The following TMEM131 variants were observed in gnomAD, a reference collection of about 807,000 sequenced individuals.
The protein encoded by TMEM131 is 2610524E03Rik.
In TMEM131, 66 loss-of-function variants were observed where a neutral mutation model predicts 211.6. That is an observed-to-expected ratio of 0.31 (90% CI 0.26 to 0.38). TMEM131 has a LOEUF of 0.38. TMEM131 is among the 10% of genes least tolerant of loss of function. The probability of loss-of-function intolerance (pLI) is 1.00; values close to 1 mark genes in which losing one functional copy is unlikely to be tolerated. For synonymous variants in TMEM131, 844 were observed against 841.3 expected, an observed-to-expected ratio of 1.00 and a Z score of -0.06; for missense variants, 2,036 against 2,299.3, an observed-to-expected ratio of 0.89 and a Z score of 2.34.
At chr2:97,833,599 T>A (rs1682809600) in intron 10 of TMEM131, among the ~76,000 whole-genome samples, 173 bp from the exon 11 acceptor site, 1 of 151,954 alleles carries the variant, frequency 6.6e-6, no homozygotes, top group African/African-American at 2.4e-5. Context: ...GGACATTGTG[T>A]ATTATAAGAA....
chr2:97,841,246 C>A (rs1683177157), intron 7 of TMEM131, among the ~76,000 whole-genome samples: 1 of 152,170 alleles, frequency 6.6e-6, no homozygotes, highest in South Asian at 2.1e-4. Flanking sequence ...CTAGCCACTT[C>A]CACTGTGAAA....
chr2:97,893,241 A>G (rs1356959156), intron 3 of TMEM131, among the ~76,000 whole-genome samples: 4 of 152,210 alleles, frequency 2.6e-5, no homozygotes, highest in Admixed American at 6.5e-5. Context: ...TAATGGCTGC[A>G]TAGTATTCCA....
At chr2:97,840,501 G>A (rs904258388) in intron 7 of TMEM131, among the ~76,000 whole-genome samples, 1 of 152,208 alleles carries the variant, frequency 6.6e-6, no homozygotes, top group Non-Finnish European at 1.5e-5. Context: ...AAGGCAGGAG[G>A]ATTGCTTGAG....
At chr2:97,790,704 C>T (rs1188115565) in intron 31 of TMEM131, among the ~76,000 whole-genome samples, 1 of 152,112 alleles carries the variant, frequency 6.6e-6, no homozygotes, top group African/African-American at 2.4e-5. Flanking sequence ...GGGGAAAACG[C>T]TATGTAACTT....
At chr2:97,916,753 C>T (rs1167234035) in intron 2 of TMEM131, among the ~76,000 whole-genome samples, 3 of 152,096 alleles carry the variant, frequency 2.0e-5, no homozygotes, top group Non-Finnish European at 2.9e-5. Context: ...GAGTCAAATG[C>T]TTGGTTTTCA....
intron 28 of TMEM131, among the ~76,000 whole-genome samples, chr2:97,795,463 T>A (rs1206466192): frequency 6.6e-6 from 1 of 152,296 alleles, no homozygotes; most frequent in South Asian, 2.1e-4. Flanking sequence ...ATGTCTTTTT[T>A]AAAAAAACAA....
Position 97,980,591 on chromosome 2 carries a change from T to C in TMEM131, c.187+14885A>G, listed in dbSNP as rs571337240. Among the ~76,000 whole-genome samples, 5 of 152,278 alleles carry C rather than the reference T, an allele frequency of 3.3e-5. No homozygotes were observed. In the South Asian group the frequency reaches 1.0e-3, roughly 32 times the overall value. On this transcript the variant is annotated intron_variant, in intron 1 of 40. Transcript: ENST00000186436. ...TGTACTTACCTGAGAGAAAATAAAA[T>C]ACATGTGCATACAAAGACTTACACA...
intron 1 of TMEM131, among the ~76,000 whole-genome samples, chr2:97,950,131 T>C (rs995907907): frequency 6.6e-6 from 1 of 152,070 alleles, no homozygotes; most frequent in Non-Finnish European, 1.5e-5. Context: ...AGACAAAAAA[T>C]AAAAATACAT....
chr2:97,959,595 C>A (rs919741941), intron 1 of TMEM131, among the ~76,000 whole-genome samples: 22 of 151,414 alleles, frequency 1.5e-4, no homozygotes, highest in Non-Finnish European at 1.5e-5. Context: ...ATGGTCAAAC[C>A]ATTTGAAAGC....
At position 97,792,886 on chromosome 2, in the gene TMEM131, C is replaced by T. The variant is rs1680571811; in HGVS notation, c.3644G>A (p.Gly1215Asp). The change falls in exon 31 of 41, where the codon GGC (glycine) becomes GAC (aspartate). Residue 1215 changes from glycine (G) to aspartate (D), a missense_variant. Around this residue, in one of 3 missense-constraint regions of TMEM131, gnomAD observed 1,623 missense variants for 1,805.9 expected, o/e 0.90. Transcript: ENST00000186436. ...ACTGCTGTGTGGGTGGACCGATGGG[C>T]CACACTGCTTATGACTCCCGGCACT... ...RPSAGSHKQC[G>D]PSVHPHSSHS... The T allele has an allele frequency of 6.2e-7, 1 of 1,613,384 alleles. No individual in the cohort carries two copies. Among genetic ancestry groups the T allele is most frequent in the Non-Finnish European group, 8.5e-7 (1 of 1,179,790 alleles).
intron 1 of TMEM131, among the ~76,000 whole-genome samples, chr2:97,990,537 T>C (rs1428913644): frequency 6.6e-6 from 1 of 152,206 alleles, no homozygotes; most frequent in Non-Finnish European, 1.5e-5. Flanking sequence ...TTAACCTCTC[T>C]AAGCCTCAGT....
chr2:97,983,371 T>C (rs1309466840), intron 1 of TMEM131, among the ~76,000 whole-genome samples: 3 of 152,182 alleles, frequency 2.0e-5, no homozygotes, highest in Non-Finnish European at 2.9e-5. Flanking sequence ...CATCATGGCC[T>C]GAACTAGTTT....
intron 4 of TMEM131, among the ~76,000 whole-genome samples, chr2:97,878,919 T>C (rs934790683): frequency 6.6e-6 from 1 of 152,182 alleles, no homozygotes; most frequent in Non-Finnish European, 1.5e-5. Context: ...CTCCAGCCCT[T>C]TCTCACATCT....
intron 1 of TMEM131, among the ~76,000 whole-genome samples, chr2:97,992,739 C>T (rs1440500035): frequency 6.6e-6 from 1 of 152,138 alleles, no homozygotes; most frequent in Non-Finnish European, 1.5e-5. Context: ...CATGTATTTT[C>T]ACTATATATT....
intron 31 of TMEM131, among the ~76,000 whole-genome samples, chr2:97,779,960 T>C (rs1039396151): frequency 5.9e-5 from 9 of 152,014 alleles, no homozygotes; most frequent in East Asian, 5.8e-4. Flanking sequence ...TTTGAGGTTA[T>C]AGTGAGTTAT....
chr2:97,816,602 C>T (rs886409726), intron 12 of TMEM131, among the ~76,000 whole-genome samples: 24 of 152,248 alleles, frequency 1.6e-4, no homozygotes, highest in African/African-American at 4.8e-4. Flanking sequence ...CTATGGCAGA[C>T]ACAGACTTTC....
chr2:97,761,003 T>C lies in TMEM131; in HGVS notation c.4890-89A>G, dbSNP rs141599941. On this transcript the variant is annotated intron_variant, in intron 36 of 40. Transcript: ENST00000186436. ...GGGGCTGGCAGGACTGAGCCCTGAG[T>C]GGGCTTCTCTGCAGCGGGGCAGCTC... 467 of 1,543,204 alleles carry C rather than the reference T, an allele frequency of 3.0e-4. 2 individuals are homozygous for C. In the East Asian group the frequency reaches 6.8e-3, roughly 22 times the overall value.
intron 5 of TMEM131, among the ~76,000 whole-genome samples, chr2:97,854,496 C>T (rs944229232): frequency 7.2e-5 from 11 of 152,178 alleles, no homozygotes; most frequent in Admixed American, 7.2e-4. Context: ...ATCATCTAAT[C>T]ATCTTCTTAC....
intron 18 of TMEM131, 73 bp from the exon 19 acceptor site, chr2:97,809,847 T>C: frequency 3.1e-6 from 4 of 1,272,264 alleles, no homozygotes; most frequent in Non-Finnish European, 3.3e-6. Flanking sequence ...TTGCATTATA[T>C]TTTGGGGTTA....
Sources: allele counts gnomAD v4.1 joint callset (sites outside exome capture counted in the v4.1 genomes callset), GRCh38; gene constraint gnomAD v4.1.1; regional missense constraint gnomAD v4.1.1; transcripts MANE v1.5; gene names NCBI Gene and HGNC (gene_info 2026-07-23, HGNC 2026-07-21).